The following CARMIL3 variants were observed in gnomAD, a reference collection of about 807,000 sequenced individuals.
CARMIL3 encodes the protein capping protein regulator and myosin 1 linker 3.
In CARMIL3, 88 loss-of-function variants were observed where a neutral mutation model predicts 180.8. The ratio of observed to expected loss-of-function variants is 0.49; its 90% CI spans 0.41 to 0.58. CARMIL3 has a LOEUF of 0.58. Ranked by LOEUF, CARMIL3 falls within the 20% of genes least tolerant of loss-of-function variation. The pLI is 0.00. For missense variants in CARMIL3, 1,548 were observed against 1,787.0 expected (o/e 0.87, Z 2.41); for synonymous variants, 696 against 714.5 (o/e 0.97, Z 0.41).
Position 24,068,867 on chromosome 14 carries a change from G to T in CARMIL3, c.3883G>T (p.Val1295Phe), listed in dbSNP as rs750980500. The change falls in exon 38 of 40, where the codon GTC becomes TTC. Residue 1295 changes from valine to phenylalanine, a missense_variant. Val to Phe is a conservative substitution (Grantham distance 50). Transcript: ENST00000342740. ...CCGCCAGCCTCCCCAGGAGCCAGGG[G>T]TCAGGGAGGAGGCTGAGGCTGGAGA... ...RGRQPPQEPGVREEAEAGDAA... is the reference protein window; with the variant it reads ...RGRQPPQEPGFREEAEAGDAA... The T allele has an allele frequency of 6.2e-7, 1 of 1,612,666 alleles. No individual in the cohort carries two copies. The highest frequency in any genetic ancestry group is 8.5e-7 in the Non-Finnish European group (1 of 1,179,702).
intron 14 of CARMIL3, 77 bp downstream of exon 14, chr14:24,057,321 C>G (rs1243030981): frequency 1.5e-6 from 2 of 1,337,108 alleles, no homozygotes; most frequent in African/African-American, 1.5e-5. Flanking sequence ...CACCCCCTAT[C>G]CCTGAGTACA....
Position 24,054,807 on chromosome 14 carries a change from C to G in CARMIL3, c.459C>G (p.Cys153Trp). The change falls in exon 6 of 40, where the codon TGC becomes TGG. Residue 153 changes from cysteine to tryptophan, a missense_variant and splice_region_variant. Physicochemically the swap from Cys to Trp is radical, Grantham distance 215. This residue lies in a region of CARMIL3 where 578 missense variants were observed against 666.5 expected (regional missense o/e 0.87). Coordinates refer to ENST00000342740, the MANE Select transcript of CARMIL3 (RefSeq NM_138360.4). This position sits in a 1 kb window ranked among gnomAD's most constrained non-coding sequence, Gnocchi z 5.1. ...ETSTSTTHSV[C>W]GGFSETYAAL... ...CCACATCTACCACCCACAGTGTCTG[C>G]GGTGAGCAGGGGCAGATGTGAGGAA... is the stretch of plus-strand genomic sequence containing the variant. The G allele has an allele frequency of 6.2e-7, 1 of 1,613,338 alleles. No homozygotes were observed. The highest frequency in any genetic ancestry group is 8.5e-7 in the Non-Finnish European group (1 of 1,179,436).
intron 6 of CARMIL3, 34 bp from the exon 7 acceptor site, chr14:24,055,032 C>G: frequency 6.2e-7 from 1 of 1,608,282 alleles, no homozygotes; most frequent in Non-Finnish European, 8.5e-7. Context: ...CATCTCCTTA[C>G]CCTCATGGAA....
chr14:24,060,518 C>T, intron 24 of CARMIL3, 110 bp from the exon 25 acceptor site: 2 of 1,484,048 alleles, frequency 1.3e-6, no homozygotes, highest in Admixed American at 3.9e-5. Flanking sequence ...CAGCCAGAGA[C>T]ATCACCTCCA....
intron 33 of CARMIL3, 100 bp downstream of exon 33, chr14:24,065,373 C>G: frequency 8.1e-7 from 1 of 1,233,648 alleles, no homozygotes; most frequent in Non-Finnish European, 1.1e-6. Context: ...TGCTAGGACC[C>G]AGGGTTCTTG....
At chr14:24,064,464 T>C in intron 32 of CARMIL3, 118 bp downstream of exon 32, 8 of 759,624 alleles carry the variant, frequency 1.1e-5, no homozygotes, top group Non-Finnish European at 1.8e-5. Flanking sequence ...CCAGTCTCTG[T>C]GAGAAATTTC....
chr14:24,064,776 C>T (rs556071930), intron 32 of CARMIL3, among the ~76,000 whole-genome samples, 182 bp from the exon 33 acceptor site: 1 of 152,176 alleles, frequency 6.6e-6, no homozygotes, highest in South Asian at 2.1e-4. Context: ...CATCAGTCTG[C>T]GGGAAAGGCT....
In CARMIL3 at chr14:24,068,836, C is replaced by T. The variant is rs959262703; in HGVS notation, c.3852C>T (p.Pro1284=). ...APWPPKPVAV[P]RGRQPPQEPG... ...GGCCTCCCAAGCCAGTGGCTGTGCC[C>T]AGGGGCCGCCAGCCTCCCCAGGAGC... The change falls in exon 38 of 40, where the codon CCC becomes CCT. Residue 1284 remains proline, a synonymous_variant. Coordinates refer to ENST00000342740, the MANE Select transcript of CARMIL3 (RefSeq NM_138360.4). 3 of 1,613,464 alleles carry T rather than the reference C, an allele frequency of 1.9e-6. No homozygotes were observed. Among genetic ancestry groups the T allele is most frequent in the Admixed American group, 1.7e-5 (1 of 60,006 alleles).
chr14:24,066,865 G>A (rs574063079), intron 36 of CARMIL3, among the ~76,000 whole-genome samples: 2 of 152,342 alleles, frequency 1.3e-5, no homozygotes, highest in East Asian at 1.9e-4. Flanking sequence ...GAACAAAAGC[G>A]GCTTCTCCAG....
Position 24,065,218 on chromosome 14 carries a change from G to A in CARMIL3, c.3341G>A (p.Ser1114Asn), listed in dbSNP as rs770158811. The change falls in exon 33 of 40, where the codon AGC (serine) becomes AAC (asparagine). Residue 1114 changes from serine to asparagine, a missense_variant. By Grantham distance (46) the Ser-to-Asn change is conservative (BLOSUM62 1). Around this residue, in one of 4 missense-constraint regions of CARMIL3, gnomAD observed 668 missense variants for 687.8 expected, o/e 0.97. Transcript: ENST00000342740. ...CCCTGCTGGAGCCCAGAGGAGGAGA[G>A]CAGCCTCCTCCCTGGATTTGGTGGG... ...SSPCWSPEEE[S>N]SLLPGFGGGR... 7.4e-5 allele frequency: 115 copies of A among 1,557,574 alleles called. No homozygotes were observed. The highest frequency in any genetic ancestry group is 9.7e-5 in the Non-Finnish European group (112 of 1,157,956).
Position 24,061,136 on chromosome 14 carries a change from G to GTCCTCCT in CARMIL3, c.2304+96_2304+97insTCCTCCT. On this transcript the variant is annotated intron_variant, in intron 26 of 39. Transcript: ENST00000342740. The surrounding 1 kb of genome is among the most constrained non-coding windows in gnomAD (Gnocchi z 4.1). ...AAGTCAGAGCTGGGAGACTTCTGGA[G>GTCCTCCT]GGCCAGGAGGACATGCAGAGTTGAG... The GTCCTCCT allele has an allele frequency of 9.2e-7, 1 of 1,090,752 alleles. No homozygotes were observed. Among genetic ancestry groups the GTCCTCCT allele is most frequent in the Non-Finnish European group, 1.3e-6 (1 of 746,240 alleles). 67.6% of individuals were successfully genotyped at this position (1,090,752 alleles called of 1,614,324 possible).
At chr14:24,060,320 G>C in intron 24 of CARMIL3, 65 bp downstream of exon 24, 1 of 1,561,280 alleles carries the variant, frequency 6.4e-7, no homozygotes, top group Non-Finnish European at 8.8e-7. Context: ...TGATGTGATG[G>C]AAAATTGAGT....
chr14:24,057,473 A>G (rs1163582152), intron 14 of CARMIL3, among the ~76,000 whole-genome samples: 1 of 152,092 alleles, frequency 6.6e-6, no homozygotes, highest in Non-Finnish European at 1.5e-5. Flanking sequence ...TCCCTTCCCC[A>G]GCTGTGCACC....
chr14:24,058,643 CAACCCCTGCCTTCCCTACCTCACCTT>C lies in CARMIL3; in HGVS notation c.1393-36_1393-11del. 6.3e-7 allele frequency: 1 copy of C among 1,599,720 alleles called. No individual in the cohort carries two copies. The highest frequency in any genetic ancestry group is 8.6e-7 in the Non-Finnish European group (1 of 1,169,520). ...CATTAAAGGTGCCCTACCCCCACCC[CAACCCCTGCCTTCCCTACCTCACCTT>C]GTCCCTGCAGCTCCGTTCAGCGGGA... On this transcript the variant is annotated splice_polypyrimidine_tract_variant and intron_variant, in intron 17 of 39. Coordinates refer to ENST00000342740, the MANE Select transcript of CARMIL3 (RefSeq NM_138360.4). The surrounding 1 kb of genome is among the most constrained non-coding windows in gnomAD (Gnocchi z 6.4).
chr14:24,069,569 C>A lies in CARMIL3; in HGVS notation c.*165C>A. On this transcript the variant is annotated 3_prime_UTR_variant, in exon 40 of 40. Transcript: ENST00000342740. ...GAGGCAGGGACTAGAACAGAGGGAG[C>A]CACCTGGAGAGACGGAGGCTGTCAG... 2.5e-6 allele frequency: 2 copies of A among 802,860 alleles called. No homozygotes were observed. The highest frequency in any genetic ancestry group is 3.6e-4 in the Middle Eastern group (1 of 2,778). The allele number at this position is 802,860 out of a possible 1,614,324, so 49.7% of individuals were successfully genotyped here. A position where few individuals can be genotyped will look rare whatever the true frequency, so the allele number is the denominator to read the frequency against.
Position 24,055,548 on chromosome 14 carries a change from T to C in CARMIL3, c.611T>C (p.Leu204Ser). 1 of 1,614,016 alleles carries C rather than the reference T, an allele frequency of 6.2e-7. No homozygotes were observed. Among genetic ancestry groups the C allele is most frequent in the Non-Finnish European group, 8.5e-7 (1 of 1,179,990 alleles). ...LDFSHLESRD[L>S]ALMVAALAYN... ...CCCCTTCCATATCCCCACAGAGACT[T>C]GGCCCTAATGGTAGCAGCCCTGGCC... Residue 204 changes from leucine to serine, a missense_variant, in exon 9 of 40, where the codon TTG (leucine) becomes TCG (serine). This residue lies in a region of CARMIL3 where 578 missense variants were observed against 666.5 expected (regional missense o/e 0.87). Transcript: ENST00000342740.
chr14:24,065,866 A>G lies in CARMIL3; in HGVS notation c.3525+116A>G. 4 of 1,427,442 alleles carry G rather than the reference A, an allele frequency of 2.8e-6. No homozygotes were observed. In the South Asian group the frequency reaches 5.5e-5, roughly 20 times the overall value. The allele number at this position is 1,427,442 out of a possible 1,614,324, so 88.4% of individuals were successfully genotyped here. A position where few individuals can be genotyped will look rare whatever the true frequency, so the allele number is the denominator to read the frequency against. On this transcript the variant is annotated intron_variant, in intron 34 of 39. Coordinates refer to ENST00000342740, the MANE Select transcript of CARMIL3 (RefSeq NM_138360.4). The stretch of plus-strand genomic sequence containing the variant: ...TAGAGAAAGCAGATGCTTTGGCATT[A>G]GAAGATGTTAGCTGCTCTTCAGCCC...
At chr14:24,052,827 C>G in intron 1 of CARMIL3, among the ~76,000 whole-genome samples, 1 of 152,198 alleles carries the variant, frequency 6.6e-6, no homozygotes, top group South Asian at 2.1e-4. Context: ...AGGCTTCTCC[C>G]GTTTGCATGG....
Position 24,056,522 on chromosome 14 carries a change from C to T in CARMIL3, c.866-100C>T, listed in dbSNP as rs1013935324. On this transcript the variant is annotated intron_variant, in intron 11 of 39. Coordinates refer to ENST00000342740, the MANE Select transcript of CARMIL3 (RefSeq NM_138360.4). ...CCTGCCCTGACACCTCCATCCTTGACCCAAGGCCTGTACCCTACTCGAGCC... is the reference window on the plus strand; with the variant it reads ...CCTGCCCTGACACCTCCATCCTTGATCCAAGGCCTGTACCCTACTCGAGCC... The T allele has an allele frequency of 2.9e-5, 42 of 1,469,740 alleles. No homozygotes were observed. The Admixed American group carries it at 2.9e-4, about 10-fold the overall frequency. The allele number at this position is 1,469,740 out of a possible 1,614,324, so 91.0% of individuals were successfully genotyped here. A position where few individuals can be genotyped will look rare whatever the true frequency, so the allele number is the denominator to read the frequency against.
Sources: allele counts gnomAD v4.1 joint callset (sites outside exome capture counted in the v4.1 genomes callset), GRCh38; gene constraint gnomAD v4.1.1; regional missense constraint gnomAD v4.1.1; non-coding constraint Gnocchi (gnomAD v3.1); transcripts MANE v1.5; gene names NCBI Gene and HGNC (gene_info 2026-07-23, HGNC 2026-07-21).